LCT: variants seen among roughly 807,000 people sequenced by gnomAD.
LCT encodes the protein lactase.
In LCT, 90 loss-of-function variants were observed where a neutral mutation model predicts 173.0. That is an observed-to-expected ratio of 0.52 (90% CI 0.44 to 0.62). LCT has a LOEUF of 0.62. LCT is among the 20% of genes least tolerant of loss of function. The pLI, the probability that LCT is intolerant of heterozygous loss-of-function variation, is 0.00. For missense variants in LCT, 1,864 were observed against 2,431.4 expected, an observed-to-expected ratio of 0.77 and a Z score of 4.91; for synonymous variants, 853 against 957.6, an observed-to-expected ratio of 0.89 and a Z score of 2.02.
chr2:135,808,600 CGCAGCTCTGTTCATTGCCGTG>C lies in LCT; in HGVS notation c.3726_3746del (p.Thr1243_Ala1249del). 6.2e-7 allele frequency: 1 copy of C among 1,614,244 alleles called. No homozygotes were observed. The highest frequency in any genetic ancestry group is 1.1e-5 in the South Asian group (1 of 91,086). ...TCAGCAGCCTTCGCGTCCCCCAGGG[CGCAGCTCTGTTCATTGCCGTG>C]GAAGGCCACGAAGGGTCCTCCTCCT... On this transcript the variant is annotated inframe_deletion, in exon 8 of 17. Transcript: ENST00000264162.
intron 1 of LCT, 116 bp from the exon 2 acceptor site, chr2:135,833,306 C>A (rs1231269501): frequency 1.5e-5 from 12 of 800,596 alleles, no homozygotes. Flanking sequence ...AATGACTTTA[C>A]TCTAGCTGAA....
Position 135,788,628 on chromosome 2 carries a change from G to A in LCT, c.5564-84C>T, listed in dbSNP as rs1450348313. The A allele has an allele frequency of 2.5e-5, 22 of 894,268 alleles. No homozygotes were observed. In the East Asian group the frequency reaches 3.8e-4, roughly 16 times the overall value. The allele number at this position is 894,268 out of a possible 1,614,324, so 55.4% of individuals were successfully genotyped here. ...TCTGAGACCCCAGCAGAGGCTGCAC[G>A]GTACCCCAAATCCGCACAGCCATTG... On this transcript the variant is annotated intron_variant, in intron 16 of 16. Transcript: ENST00000264162.
intron 11 of LCT, among the ~76,000 whole-genome samples, chr2:135,801,390 A>G (rs2077626665): frequency 6.6e-6 from 1 of 152,074 alleles, no homozygotes; most frequent in Admixed American, 6.5e-5. Flanking sequence ...TTCAGAAAGG[A>G]CTATATGTAC....
chr2:135,817,688 A>C lies in LCT; in HGVS notation c.1360T>G (p.Ser454Ala). 6.2e-7 allele frequency: 1 copy of C among 1,613,978 alleles called. No homozygotes were observed. Among genetic ancestry groups the C allele is most frequent in the South Asian group, 1.1e-5 (1 of 91,086 alleles). Residue 454 changes from serine to alanine, a missense_variant, in exon 6 of 17, where the codon TCC becomes GCC. Transcript: ENST00000264162. ...CGLRAQVYKF[S>A]ISWSRIFPMG... ...GGGAAGATCCGGGACCAGGAGATGG[A>C]GAACTTGTACACCTGAGCCCGGAGG... is the stretch of plus-strand genomic sequence containing the variant.
rs775459151 is a variant in LCT, at chr2:135,836,833, A to T, written c.337T>A (p.Tyr113Asn). ...TTGAGGGCCTTGAGGAGTCGCCGGT[A>T]GCACTGCACTGTTTTCTCGTCTGGA... ...QNPDEKTVQC[Y>N]RRLLKALKTA... Residue 113 changes from tyrosine (Y) to asparagine (N), a missense_variant, in exon 1 of 17, where the codon TAC becomes AAC. By Grantham distance (143) the Tyr-to-Asn change is moderately radical. Transcript: ENST00000264162. 48 of 1,614,070 alleles carry T rather than the reference A, an allele frequency of 3.0e-5. No individual in the cohort carries two copies. The East Asian group carries it at 1.1e-3, about 36-fold the overall frequency.
intron 1 of LCT, among the ~76,000 whole-genome samples, chr2:135,834,280 G>A (rs1346225131): frequency 6.6e-6 from 1 of 151,680 alleles, no homozygotes; most frequent in South Asian, 2.1e-4. Context: ...CCGCCTCCCA[G>A]GTTCAAGCGA....
In LCT at chr2:135,809,742, C is replaced by T. The variant is rs1185143472; in HGVS notation, c.2605G>A (p.Ala869Thr). The change falls in exon 8 of 17, where the codon GCC becomes ACC. Residue 869 changes from alanine (A) to threonine (T), a missense_variant. Physicochemically the swap from Ala to Thr is moderately conservative, Grantham distance 58 (BLOSUM62 0). Around this residue, in one of 4 missense-constraint regions of LCT, gnomAD observed 755 missense variants for 926.3 expected, o/e 0.82. Coordinates refer to ENST00000264162, the MANE Select transcript of LCT (RefSeq NM_002299.4). This position sits in a 1 kb window ranked among gnomAD's most constrained non-coding sequence, Gnocchi z 5.5. ...GGCACCTCAGATGGAAAAGTGAAGGCTCTGACTTTGGAGGGGAGGTTTACT... is the reference window on the plus strand; with the variant it reads ...GGCACCTCAGATGGAAAAGTGAAGGTTCTGACTTTGGAGGGGAGGTTTACT... The part of the protein sequence containing the change: ...NTVNLPSKVR[A>T]FTFPSEVPSK... The T allele has an allele frequency of 6.2e-7, 1 of 1,614,212 alleles. No homozygotes were observed. The highest frequency in any genetic ancestry group is 8.5e-7 in the Non-Finnish European group (1 of 1,180,036).
At chr2:135,816,866 T>G (rs1350812990) in intron 6 of LCT, among the ~76,000 whole-genome samples, 1 of 122,790 alleles carries the variant, frequency 8.1e-6, no homozygotes, top group Admixed American at 7.8e-5. Flanking sequence ...ATAAGGTGAT[T>G]AACAATTTTT....
In LCT at chr2:135,812,502, G is replaced by A; in HGVS notation, c.2162C>T (p.Ser721Leu). 1 of 1,614,230 alleles carries A rather than the reference G, an allele frequency of 6.2e-7. No individual in the cohort carries two copies. The highest frequency in any genetic ancestry group is 8.5e-7 in the Non-Finnish European group (1 of 1,180,040). The change falls in exon 7 of 17, where the codon TCA becomes TTA. Residue 721 changes from serine to leucine, a missense_variant. Ser to Leu is a moderately radical substitution (Grantham distance 145, BLOSUM62 -2). Coordinates refer to ENST00000264162, the MANE Select transcript of LCT (RefSeq NM_002299.4). ...QHVNHVWPQT[S>L]SSWIRVVPWG... ...GGGCACCACACGAATCCAAGAGGAT[G>A]AGGTCTGGGGCCACACATGGTTCAC...
At chr2:135,835,532 C>T (rs1484421761) in intron 1 of LCT, among the ~76,000 whole-genome samples, 3 of 67,606 alleles carry the variant, frequency 4.4e-5, no homozygotes, top group African/African-American at 1.5e-4. Context: ...ATATATATAT[C>T]AGGTACTATA....
chr2:135,831,951 T>C (rs11904542), intron 2 of LCT, among the ~76,000 whole-genome samples: 3,586 of 152,278 alleles, frequency 0.024, 130 homozygotes, highest in African/African-American at 0.081. Context: ...GCGTGGTGGC[T>C]CAAGCCTGTA....
In LCT at chr2:135,790,739, C is replaced by CT. The variant is rs750073746; in HGVS notation, c.5253dup (p.Val1752SerfsTer11). On this transcript the variant is annotated frameshift_variant, in exon 15 of 17. Coordinates refer to ENST00000264162, the MANE Select transcript of LCT (RefSeq NM_002299.4). LOFTEE classifies it high-confidence loss of function. The surrounding 1 kb of genome is among the most constrained non-coding windows in gnomAD (Gnocchi z 4.1). ...AGGTCTGTTTCTTCCCGCTGGGACACTCCATTCTCTGTGACATAAATTGGA... is the reference window on the plus strand; with the variant it reads ...AGGTCTGTTTCTTCCCGCTGGGACACTTCCATTCTCTGTGACATAAATTGGA... 1.9e-6 allele frequency: 3 copies of CT among 1,613,862 alleles called. No individual in the cohort carries two copies. Among genetic ancestry groups the CT allele is most frequent in the Non-Finnish European group, 2.5e-6 (3 of 1,179,898 alleles).
At chr2:135,831,807 G>A (rs1457302790) in intron 2 of LCT, among the ~76,000 whole-genome samples, 1 of 152,174 alleles carries the variant, frequency 6.6e-6, no homozygotes, top group African/African-American at 2.4e-5. Flanking sequence ...CAGCACCAGG[G>A]CGATGCTGCA....
At chr2:135,795,604 C>CTAATAATTATAATAGTAA (rs57023267) in intron 13 of LCT, among the ~76,000 whole-genome samples, 2 of 146,050 alleles carry the variant, frequency 1.4e-5, no homozygotes, top group African/African-American at 5.0e-5. Context: ...TTCTCCAACT[C>CTAATAATTATAATAGTAA]TAATAATAAT....
chr2:135,811,666 A>G (rs1463316159), intron 7 of LCT, among the ~76,000 whole-genome samples: 1 of 150,514 alleles, frequency 6.6e-6, no homozygotes. Flanking sequence ...ATGCCACTCT[A>G]TTCCAGTCTA....
chr2:135,805,214 G>A (rs1247890629), intron 9 of LCT, among the ~76,000 whole-genome samples, 157 bp from the exon 10 acceptor site: 2 of 152,062 alleles, frequency 1.3e-5, no homozygotes, highest in Non-Finnish European at 2.9e-5. Context: ...GGCTCACGCC[G>A]GCAACCCCAG....
intron 1 of LCT, 68 bp from the exon 2 acceptor site, chr2:135,833,258 G>A (rs938397528): frequency 2.8e-6 from 3 of 1,075,992 alleles, no homozygotes; most frequent in Non-Finnish European, 4.3e-6. Flanking sequence ...GGAAACCACT[G>A]GGGGATTCAT....
In LCT at chr2:135,808,830, C is replaced by T. The variant is rs2077701667; in HGVS notation, c.3517G>A (p.Gly1173Arg). Residue 1173 changes from glycine to arginine, a missense_variant, in exon 8 of 17, where the codon GGG (glycine) becomes AGG (arginine). Transcript: ENST00000264162. ...AAGTGCTGCAGTTCACTCCTGTTCC[C>T]CACTTTCCACTTCATGGTGTCAGGA... ...DYPDTMKWKVGNRSELQHLAT... is the reference protein window; with the variant it reads ...DYPDTMKWKVRNRSELQHLAT... 1.2e-6 allele frequency: 2 copies of T among 1,614,124 alleles called. No individual in the cohort carries two copies. Among genetic ancestry groups the T allele is most frequent in the Admixed American group, 1.7e-5 (1 of 60,028 alleles).
At position 135,812,694 on chromosome 2, in the gene LCT, G is replaced by C. The variant is rs1459165220; in HGVS notation, c.1970C>G (p.Ser657Cys). The C allele has an allele frequency of 6.2e-7, 1 of 1,614,198 alleles. No individual in the cohort carries two copies. The highest frequency in any genetic ancestry group is 1.1e-5 in the South Asian group (1 of 91,086). ...CTCGGGGAGTTGAGCCACAGGATGG[G>C]AGCACTGTCTGTTCATCTGTTGGAT... ...TQIQQMNRQC[S>C]HPVAQLPEFT... The change falls in exon 7 of 17, where the codon TCC becomes TGC. Residue 657 changes from serine to cysteine, a missense_variant. Ser to Cys is a moderately radical substitution (Grantham distance 112). Coordinates refer to ENST00000264162, the MANE Select transcript of LCT (RefSeq NM_002299.4).
Sources: allele counts gnomAD v4.1 joint callset (sites outside exome capture counted in the v4.1 genomes callset), GRCh38; gene constraint gnomAD v4.1.1; regional missense constraint gnomAD v4.1.1; non-coding constraint Gnocchi (gnomAD v3.1); transcripts MANE v1.5; gene names NCBI Gene and HGNC (gene_info 2026-07-23, HGNC 2026-07-21).